DGCR8: variants seen among roughly 807,000 people sequenced by gnomAD.
DGCR8 encodes DGCR8 microprocessor complex subunit, also known as microprocessor complex subunit DGCR8.
DGCR8 carries 14 observed loss-of-function variants against 78.5 expected under a neutral mutation model. That is an observed-to-expected ratio of 0.18 (90% CI 0.12 to 0.28). The LOEUF is 0.28. Ranked by LOEUF, DGCR8 falls within the 10% of genes least tolerant of loss-of-function variation. The pLI, the probability that DGCR8 is intolerant of heterozygous loss-of-function variation, is 1.00. For missense variants in DGCR8, 702 were observed against 1,022.5 expected, an observed-to-expected ratio of 0.69 and a Z score of 4.28; for synonymous variants, 399 against 402.4, an observed-to-expected ratio of 0.99 and a Z score of 0.10.
Position 20,086,076 on chromosome 22 carries a change from C to T in DGCR8, c.113C>T (p.Pro38Leu). The change falls in exon 2 of 14, where the codon CCT (proline) becomes CTT (leucine). Residue 38 changes from proline (P) to leucine (L), a missense_variant. By Grantham distance (98) the Pro-to-Leu change is moderately conservative (BLOSUM62 -3). Around this residue, in one of 4 missense-constraint regions of DGCR8, gnomAD observed 356 missense variants for 448.9 expected, o/e 0.79. Transcript: ENST00000351989. The surrounding 1 kb of genome is among the most constrained non-coding windows in gnomAD (Gnocchi z 6.4). ...CTGCCCCGTGAGCAGTCTCCACCAC[C>T]TCCCCTGCAAACGTCCAGTGGTGCA... Reference protein sequence around the residue: ...QALPREQSPPPPLQTSSGAEV... With the variant: ...QALPREQSPPLPLQTSSGAEV... The T allele has an allele frequency of 2.5e-6, 4 of 1,614,140 alleles. No individual in the cohort carries two copies. Among genetic ancestry groups the T allele is most frequent in the Non-Finnish European group, 3.4e-6 (4 of 1,180,044 alleles).
chr22:20,086,746 G>T lies in DGCR8; in HGVS notation c.720+63G>T. 6.9e-7 allele frequency: 1 copy of T among 1,458,542 alleles called. No homozygotes were observed. Among genetic ancestry groups the T allele is most frequent in the Non-Finnish European group, 9.1e-7 (1 of 1,098,298 alleles). The allele number at this position is 1,458,542 out of a possible 1,614,324, so 90.4% of individuals were successfully genotyped here. ...AAACCCAAAGAGAGATTTGGGAATTGCAGCATCTTTTGAAAGCAGGGAAAT... is the reference window on the plus strand; with the variant it reads ...AAACCCAAAGAGAGATTTGGGAATTTCAGCATCTTTTGAAAGCAGGGAAAT... On this transcript the variant is annotated intron_variant, in intron 2 of 13. Transcript: ENST00000351989. The surrounding 1 kb of genome is among the most constrained non-coding windows in gnomAD (Gnocchi z 6.4).
chr22:20,081,120 G>C (rs1043437830), intron 1 of DGCR8, among the ~76,000 whole-genome samples: 1 of 152,228 alleles, frequency 6.6e-6, no homozygotes, highest in African/African-American at 2.4e-5. Flanking sequence ...GGCCAGCCCG[G>C]GGTACCCAGT....
rs752499428 is a variant in DGCR8 at position 20,087,255 on chromosome 22, G to A, written c.814G>A (p.Asp272Asn). Residue 272 changes from aspartate to asparagine, a missense_variant, in exon 3 of 14, where the codon GAC (aspartate) becomes AAC (asparagine). Asp to Asn is a conservative substitution (Grantham distance 23). Transcript: ENST00000351989. This position sits in a 1 kb window ranked among gnomAD's most constrained non-coding sequence, Gnocchi z 4.1. ...AGAGGAAAAATATGGCGGAGACAGC[G>A]ACCATCCGTCCGATGGAGAGACAAG... The part of the protein sequence containing the change: ...RTEEKYGGDS[D>N]HPSDGETSVQ... The A allele has an allele frequency of 3.7e-6, 6 of 1,614,024 alleles. No individual in the cohort carries two copies. Among genetic ancestry groups the A allele is most frequent in the East Asian group, 2.2e-5 (1 of 44,870 alleles).
chr22:20,087,851 C>A lies in DGCR8; in HGVS notation c.880+530C>A, dbSNP rs921508761. On this transcript the variant is annotated intron_variant, in intron 3 of 13. Coordinates refer to ENST00000351989, the MANE Select transcript of DGCR8 (RefSeq NM_022720.7). The surrounding 1 kb of genome is among the most constrained non-coding windows in gnomAD (Gnocchi z 4.1). ...AAGTGCCCTGGTCGACGTGGCACTTCCTCAACTTTGAGTTGAGGGTAGTGG... is the reference window on the plus strand; with the variant it reads ...AAGTGCCCTGGTCGACGTGGCACTTACTCAACTTTGAGTTGAGGGTAGTGG... 6.6e-6 allele frequency among the ~76,000 whole-genome samples: 1 copy of A among 152,158 alleles called. No homozygotes were observed. The highest frequency in any genetic ancestry group is 6.5e-5 in the Admixed American group (1 of 15,282).
At chr22:20,081,061 G>A (rs2049412674) in intron 1 of DGCR8, among the ~76,000 whole-genome samples, 1 of 152,218 alleles carries the variant, frequency 6.6e-6, no homozygotes. Flanking sequence ...CCAGCTGTGG[G>A]AGTGGCCCAA....
At chr22:20,107,563 C>T (rs1291950481) in intron 12 of DGCR8, 165 bp downstream of exon 12, 1 of 753,566 alleles carries the variant, frequency 1.3e-6, no homozygotes, top group Non-Finnish European at 2.1e-6. Flanking sequence ...GTGGGGTCGT[C>T]CCAGCTACAT....
intron 8 of DGCR8, among the ~76,000 whole-genome samples, chr22:20,093,613 TC>T (rs2049592411): frequency 6.6e-6 from 1 of 152,148 alleles, no homozygotes; most frequent in African/African-American, 2.4e-5. Context: ...GTTGGCATCC[TC>T]CCCCAGTGGT....
At chr22:20,084,858 G>T in intron 1 of DGCR8, 4 of 440,396 alleles carry the variant, frequency 9.1e-6, no homozygotes, top group Non-Finnish European at 1.2e-5. Flanking sequence ...AGTTGCTTCT[G>T]CCTGGCACAG....
At chr22:20,082,197 C>CA (rs1001205878) in intron 1 of DGCR8, among the ~76,000 whole-genome samples, 3 of 149,214 alleles carry the variant, frequency 2.0e-5, no homozygotes, top group Non-Finnish European at 3.0e-5. Context: ...GCTGGGACTG[C>CA]AGGCGTCCAC....
intron 9 of DGCR8, among the ~76,000 whole-genome samples, chr22:20,099,315 C>G (rs1304271287): frequency 3.9e-5 from 6 of 152,204 alleles, no homozygotes; most frequent in Non-Finnish European, 7.3e-5. Flanking sequence ...AACTAGTGCC[C>G]CAGCCTCTGG....
intron 9 of DGCR8, chr22:20,100,565 A>G (rs1286646147): frequency 1.0e-6 from 1 of 985,346 alleles, no homozygotes; most frequent in Non-Finnish European, 1.2e-6. Flanking sequence ...GTTCTTTGCT[A>G]TGGGGTGGTG....
At chr22:20,082,589 G>C (rs528467065) in intron 1 of DGCR8, among the ~76,000 whole-genome samples, 5 of 151,354 alleles carry the variant, frequency 3.3e-5, no homozygotes, top group African/African-American at 7.3e-5. Flanking sequence ...GGGTGGTGTC[G>C]ATCTCCTGAC....
At position 20,094,708 on chromosome 22, in the gene DGCR8, C is replaced by G. The variant is rs780190206; in HGVS notation, c.1706-5C>G. On this transcript the variant is annotated splice_region_variant and splice_polypyrimidine_tract_variant and intron_variant, in intron 8 of 13. Transcript: ENST00000351989. ...GCCTCACCCTCGGGCTCTTTTTTTTCATAGCCCGAGCTACACTGGAAATCC... is the reference window on the plus strand; with the variant it reads ...GCCTCACCCTCGGGCTCTTTTTTTTGATAGCCCGAGCTACACTGGAAATCC... 12 of 1,612,766 alleles carry G rather than the reference C, an allele frequency of 7.4e-6. No individual in the cohort carries two copies. The highest frequency in any genetic ancestry group is 1.0e-5 in the Non-Finnish European group (12 of 1,179,492).
intron 9 of DGCR8, among the ~76,000 whole-genome samples, chr22:20,105,943 A>C (rs968033046): frequency 2.6e-5 from 4 of 152,008 alleles, no homozygotes; most frequent in African/African-American, 9.7e-5. Context: ...ACCAGACTCC[A>C]TCCCACAGTG....
rs2049522747 is a variant in DGCR8 at position 20,089,057 on chromosome 22, C to A, written c.881-612C>A. 6.6e-6 allele frequency among the ~76,000 whole-genome samples: 1 copy of A among 152,196 alleles called. No homozygotes were observed. Among genetic ancestry groups the A allele is most frequent in the South Asian group, 2.1e-4 (1 of 4,826 alleles). On this transcript the variant is annotated intron_variant, in intron 3 of 13. Transcript: ENST00000351989. The surrounding 1 kb of genome is among the most constrained non-coding windows in gnomAD (Gnocchi z 4.9). ...CTGTGAGAAAATTAAGTTTTAGTTA[C>A]ATCTTTGCCTTACGCTCTTCCCAGC...
rs1295132516 is a variant in DGCR8 at position 20,087,753 on chromosome 22, T to G, written c.880+432T>G. On this transcript the variant is annotated intron_variant, in intron 3 of 13. Transcript: ENST00000351989. The surrounding 1 kb of genome is among the most constrained non-coding windows in gnomAD (Gnocchi z 4.1). ...AGGAAGCCACCAGAAGCAAGTGGTG[T>G]TACCTGATTTTTGTTTAACAACATG... Among the ~76,000 whole-genome samples, 2 of 152,134 alleles carry G rather than the reference T, an allele frequency of 1.3e-5. No homozygotes were observed. The highest frequency in any genetic ancestry group is 2.4e-5 in the African/African-American group (1 of 41,432).
intron 1 of DGCR8, among the ~76,000 whole-genome samples, chr22:20,081,700 C>G (rs2049419999): frequency 1.3e-5 from 2 of 152,352 alleles, no homozygotes; most frequent in South Asian, 4.1e-4. Context: ...CCTGGCCTCT[C>G]TTCTGATTTC....
intron 9 of DGCR8, chr22:20,102,195 C>G (rs2049711175): frequency 2.3e-6 from 1 of 431,770 alleles, no homozygotes; most frequent in African/African-American, 2.2e-5. Flanking sequence ...AATCAAGATG[C>G]AGAACATTTC....
At chr22:20,090,467 C>A (rs1290881941) in intron 5 of DGCR8, among the ~76,000 whole-genome samples, 1 of 152,182 alleles carries the variant, frequency 6.6e-6, no homozygotes, top group African/African-American at 2.4e-5. Flanking sequence ...TCTGTGGGCT[C>A]TGTGGTGTCT....
Sources: allele counts gnomAD v4.1 joint callset (sites outside exome capture counted in the v4.1 genomes callset), GRCh38; gene constraint gnomAD v4.1.1; regional missense constraint gnomAD v4.1.1; non-coding constraint Gnocchi (gnomAD v3.1); transcripts MANE v1.5; gene names NCBI Gene and HGNC (gene_info 2026-07-23, HGNC 2026-07-21).